The following DERA variants were observed in gnomAD, a reference collection of about 807,000 sequenced individuals.
DERA encodes the protein deoxyribose-phosphate aldolase, also known as 2-deoxy-D-ribose 5-phosphate aldolase.
DERA carries 15 observed loss-of-function variants against 41.1 expected under a neutral mutation model. The ratio of observed to expected loss-of-function variants is 0.37; its 90% CI spans 0.24 to 0.56. DERA has a LOEUF of 0.56. Among genes scored for constraint, DERA ranks in the 20% least tolerant of loss-of-function variants. The pLI is 0.81. For synonymous variants in DERA, 139 were observed against 137.4 expected, an observed-to-expected ratio of 1.01 and a Z score of -0.08; for missense variants, 396 against 403.4, an observed-to-expected ratio of 0.98 and a Z score of 0.16.
rs1948214825 is a variant in DERA, at chr12:15,918,195, C to G, written c.31+6781C>G. ...GCCTCCCTCCTGTGAGTCTGCCTTCCTCATCCCGCTGGTGCTTGGTCCCCC... is the reference window on the plus strand; with the variant it reads ...GCCTCCCTCCTGTGAGTCTGCCTTCGTCATCCCGCTGGTGCTTGGTCCCCC... On this transcript the variant is annotated intron_variant, in intron 1 of 8. Transcript: ENST00000428559. This position sits in a 1 kb window ranked among gnomAD's most constrained non-coding sequence, Gnocchi z 4.3. Among the ~76,000 whole-genome samples the G allele has an allele frequency of 6.6e-6, 1 of 152,196 alleles. No individual in the cohort carries two copies. The highest frequency in any genetic ancestry group is 2.4e-5 in the African/African-American group (1 of 41,446).
chr12:15,937,808 A>G (rs1948379669), intron 1 of DERA, among the ~76,000 whole-genome samples: 2 of 152,314 alleles, frequency 1.3e-5, no homozygotes, highest in African/African-American at 2.4e-5. Flanking sequence ...GAATGGCTAT[A>G]CTTCCTTTAT....
Position 15,956,868 on chromosome 12 carries a change from A to G in DERA, c.32-68A>G, listed in dbSNP as rs767687179. 14 of 1,078,124 alleles carry G rather than the reference A, an allele frequency of 1.3e-5. No homozygotes were observed. In the East Asian group the frequency reaches 1.9e-4, roughly 15 times the overall value. 66.8% of individuals were successfully genotyped at this position (1,078,124 alleles called of 1,614,324 possible). ...TGATAAATGTATCCTTTCAAGGACCATGTAAAAATAGGTGACTATATTTAA... is the reference window on the plus strand; with the variant it reads ...TGATAAATGTATCCTTTCAAGGACCGTGTAAAAATAGGTGACTATATTTAA... On this transcript the variant is annotated intron_variant, in intron 1 of 8. Coordinates refer to ENST00000428559, the MANE Select transcript of DERA (RefSeq NM_015954.4).
Position 15,959,988 on chromosome 12 carries a change from G to T in DERA, c.373+64G>T. ...ATGTTTCCAGTTCTTCATACAATGGGGTATTATATGTAGGTTTGTACTATG... is the reference window on the plus strand; with the variant it reads ...ATGTTTCCAGTTCTTCATACAATGGTGTATTATATGTAGGTTTGTACTATG... On this transcript the variant is annotated intron_variant, in intron 4 of 8. Coordinates refer to ENST00000428559, the MANE Select transcript of DERA (RefSeq NM_015954.4). This position sits in a 1 kb window ranked among gnomAD's most constrained non-coding sequence, Gnocchi z 4.5. 2.6e-6 allele frequency: 3 copies of T among 1,171,480 alleles called. No individual in the cohort carries two copies. The highest frequency in any genetic ancestry group is 2.8e-5 in the South Asian group (2 of 70,350). 72.6% of individuals were successfully genotyped at this position (1,171,480 alleles called of 1,614,324 possible).
At chr12:16,006,118 G>T (rs140551198) in intron 6 of DERA, among the ~76,000 whole-genome samples, 1 of 152,316 alleles carries the variant, frequency 6.6e-6, no homozygotes, top group Non-Finnish European at 1.5e-5. Flanking sequence ...GCTAATAGAT[G>T]ATGAGAACTA....
intron 5 of DERA, among the ~76,000 whole-genome samples, chr12:15,980,958 A>T (rs1440191442): frequency 6.6e-6 from 1 of 152,158 alleles, no homozygotes; most frequent in African/African-American, 2.4e-5. Flanking sequence ...TAAGCCTGTG[A>T]ATTATAGAAC....
intron 1 of DERA, among the ~76,000 whole-genome samples, chr12:15,953,607 T>C (rs940257494): frequency 2.0e-5 from 3 of 152,192 alleles, no homozygotes; most frequent in African/African-American, 7.2e-5. Context: ...CTTCCAATTA[T>C]GGTTTCATAT....
Position 15,982,830 on chromosome 12 carries a change from G to T in DERA, c.637+394G>T, listed in dbSNP as rs775316406. ...ATATATATCCATACTATCTGAGACA[G>T]CCTCTGCTTTTGTTTGTGTTAATGT... On this transcript the variant is annotated intron_variant, in intron 6 of 8. Transcript: ENST00000428559. This position sits in a 1 kb window ranked among gnomAD's most constrained non-coding sequence, Gnocchi z 4.0. 3.3e-5 allele frequency among the ~76,000 whole-genome samples: 5 copies of T among 152,154 alleles called. No homozygotes were observed. Among genetic ancestry groups the T allele is most frequent in the Non-Finnish European group, 4.4e-5 (3 of 68,018 alleles).
rs530371119 is a variant in DERA at position 15,963,947 on chromosome 12, G to A, written c.508+1000G>A. ...GATTGTCAATTATGAATTGCTTTTGGTTATGAAGTAGCAAATGTTCAGTCA... is the reference window on the plus strand; with the variant it reads ...GATTGTCAATTATGAATTGCTTTTGATTATGAAGTAGCAAATGTTCAGTCA... On this transcript the variant is annotated intron_variant, in intron 5 of 8. Transcript: ENST00000428559. Among the ~76,000 whole-genome samples, 26 of 152,206 alleles carry A rather than the reference G, an allele frequency of 1.7e-4. 1 individual carries two copies. In the South Asian group the frequency reaches 5.4e-3, roughly 32 times the overall value.
rs1686870739 is a variant in DERA at position 15,998,443 on chromosome 12, G to T, written c.637+16007G>T. On this transcript the variant is annotated intron_variant, in intron 6 of 8. Transcript: ENST00000428559. The surrounding 1 kb of genome is among the most constrained non-coding windows in gnomAD (Gnocchi z 4.8). ...AGCAGTTCTCCCGCCTCAGCCTCCC[G>T]AGTAGCTGAGATTACAGGCATCCAC... Among the ~76,000 whole-genome samples, 1 of 152,086 alleles carries T rather than the reference G, an allele frequency of 6.6e-6. No homozygotes were observed. Among genetic ancestry groups the T allele is most frequent in the South Asian group, 2.1e-4 (1 of 4,812 alleles).
intron 1 of DERA, among the ~76,000 whole-genome samples, chr12:15,927,082 T>C (rs1948292259): frequency 6.6e-6 from 1 of 152,220 alleles, no homozygotes; most frequent in African/African-American, 2.4e-5. Flanking sequence ...ATGATACTGA[T>C]CAAGTAGTTA....
Position 15,938,215 on chromosome 12 carries a change from A to G in DERA, c.32-18721A>G, listed in dbSNP as rs1349631634. ...GCTCAGAAATGACATTGACTTGGAT[A>G]TTTGTTAGGGTGACTTAGCATGCAA... On this transcript the variant is annotated intron_variant, in intron 1 of 8. Transcript: ENST00000428559. This position sits in a 1 kb window ranked among gnomAD's most constrained non-coding sequence, Gnocchi z 4.1. 1.3e-5 allele frequency among the ~76,000 whole-genome samples: 2 copies of G among 152,164 alleles called. No individual in the cohort carries two copies. Among genetic ancestry groups the G allele is most frequent in the Admixed American group, 6.6e-5 (1 of 15,260 alleles).
rs1029972018 is a variant in DERA at position 16,010,779 on chromosome 12, C to T, written c.638-21763C>T. ...TGGATCTGCTAATGGGAAGCACATA[C>T]GTCTCCAGGTACAGTGAAATAATCA... On this transcript the variant is annotated intron_variant, in intron 6 of 8. Transcript: ENST00000428559. This position sits in a 1 kb window ranked among gnomAD's most constrained non-coding sequence, Gnocchi z 5.5. Among the ~76,000 whole-genome samples the T allele has an allele frequency of 3.9e-5, 6 of 151,972 alleles. No homozygotes were observed. The highest frequency in any genetic ancestry group is 1.9e-4 in the East Asian group (1 of 5,156).
intron 1 of DERA, among the ~76,000 whole-genome samples, chr12:15,934,440 G>T (rs1424214313): frequency 6.6e-6 from 1 of 152,072 alleles, no homozygotes; most frequent in Non-Finnish European, 1.5e-5. Context: ...CAAAAAATTA[G>T]CTGTGCGTGG....
chr12:15,947,258 T>A (rs1948457226), intron 1 of DERA, among the ~76,000 whole-genome samples: 1 of 152,214 alleles, frequency 6.6e-6, no homozygotes, highest in Middle Eastern at 3.2e-3. Flanking sequence ...TTCCTGGATA[T>A]CCTTGTTAAC....
chr12:15,983,902 A>G lies in DERA; in HGVS notation c.637+1466A>G, dbSNP rs760879453. 4.6e-5 allele frequency among the ~76,000 whole-genome samples: 7 copies of G among 152,186 alleles called. No homozygotes were observed. Among genetic ancestry groups the G allele is most frequent in the Non-Finnish European group, 1.0e-4 (7 of 68,032 alleles). ...ACCTAAGGATGAGAAGGGATGGAAC[A>G]CTTTGAACAGTTGTTCATCAGTGAT... is the stretch of plus-strand genomic sequence containing the variant. On this transcript the variant is annotated intron_variant, in intron 6 of 8. Coordinates refer to ENST00000428559, the MANE Select transcript of DERA (RefSeq NM_015954.4). The surrounding 1 kb of genome is among the most constrained non-coding windows in gnomAD (Gnocchi z 6.2).
At chr12:16,022,728 C>T (rs897991788) in intron 6 of DERA, among the ~76,000 whole-genome samples, 1 of 152,160 alleles carries the variant, frequency 6.6e-6, no homozygotes, top group African/African-American at 2.4e-5. Flanking sequence ...AAATCCTGAG[C>T]GTCTCAGCTG....
In DERA at chr12:15,941,520, AC is replaced by A. The variant is rs1470093047; in HGVS notation, c.32-15412del. On this transcript the variant is annotated intron_variant, in intron 1 of 8. Transcript: ENST00000428559. The surrounding 1 kb of genome is among the most constrained non-coding windows in gnomAD (Gnocchi z 4.5). ...CCTAATATGTAGTCTTTTATTCCTC[AC>A]CCCTCCCTATTCTCTCCCGCTGAAT... is the stretch of plus-strand genomic sequence containing the variant. Among the ~76,000 whole-genome samples, 1 of 151,408 alleles carries A rather than the reference AC, an allele frequency of 6.6e-6. No homozygotes were observed. The highest frequency in any genetic ancestry group is 1.5e-5 in the Non-Finnish European group (1 of 67,850).
Position 16,001,969 on chromosome 12 carries a change from A to G in DERA, c.637+19533A>G, listed in dbSNP as rs1230710783. Among the ~76,000 whole-genome samples the G allele has an allele frequency of 1.3e-5, 2 of 152,232 alleles. No homozygotes were observed. Among genetic ancestry groups the G allele is most frequent in the Non-Finnish European group, 2.9e-5 (2 of 68,046 alleles). ...TAATGATTACCAGGCACTTTGTAAC[A>G]GCAAGGTTATTCTTTTTTTTTATTA... On this transcript the variant is annotated intron_variant, in intron 6 of 8. Transcript: ENST00000428559. This position sits in a 1 kb window ranked among gnomAD's most constrained non-coding sequence, Gnocchi z 4.1.
intron 1 of DERA, among the ~76,000 whole-genome samples, chr12:15,927,705 G>A (rs929218728): frequency 6.6e-5 from 10 of 152,070 alleles, no homozygotes; most frequent in Non-Finnish European, 8.8e-5. Context: ...ATGTGGTTCC[G>A]GAGATTGCAT....
Sources: allele counts gnomAD v4.1 joint callset (sites outside exome capture counted in the v4.1 genomes callset), GRCh38; gene constraint gnomAD v4.1.1; non-coding constraint Gnocchi (gnomAD v3.1); transcripts MANE v1.5; gene names NCBI Gene and HGNC (gene_info 2026-07-23, HGNC 2026-07-21).